MIA3: variants seen among roughly 807,000 people sequenced by gnomAD.
The protein encoded by MIA3 is MIA SH3 domain ER export factor 3.
MIA3 carries 90 observed loss-of-function variants against 192.4 expected under a neutral mutation model. The ratio of observed to expected loss-of-function variants is 0.47; its 90% CI spans 0.39 to 0.56. The LOEUF (loss-of-function observed/expected upper bound fraction) is 0.56. Among genes scored for constraint, MIA3 ranks in the 20% least tolerant of loss-of-function variants. The probability of loss-of-function intolerance (pLI) is 0.00; values close to 1 mark genes in which losing one functional copy is unlikely to be tolerated. For missense variants in MIA3, 2,123 were observed against 2,269.4 expected, an observed-to-expected ratio of 0.94 and a Z score of 1.31; for synonymous variants, 740 against 792.8, an observed-to-expected ratio of 0.93 and a Z score of 1.12.
rs1661834503 is a variant in MIA3, at chr1:222,621,140, T to TC, written c.134-18dup. On this transcript the variant is annotated intron_variant, in intron 1 of 27. Coordinates refer to ENST00000344922, the MANE Select transcript of MIA3 (RefSeq NM_198551.4). Reference sequence around the variant, plus strand: ...AATCCTGATATCTGGCTATTTTTTTTCTCTCTCTTTATATACAGTGTTAAT... The same window carrying TC: ...AATCCTGATATCTGGCTATTTTTTTTCCTCTCTCTTTATATACAGTGTTAAT... The TC allele has an allele frequency of 1.3e-6, 2 of 1,574,708 alleles. No individual in the cohort carries two copies. Among genetic ancestry groups the TC allele is most frequent in the South Asian group, 1.2e-5 (1 of 84,618 alleles).
chr1:222,660,094 A>AT, intron 23 of MIA3, 83 bp from the exon 24 acceptor site: 1 of 1,588,030 alleles, frequency 6.3e-7, no homozygotes, highest in Non-Finnish European at 8.6e-7. Context: ...TGTAATGGTT[A>AT]TGGTACCCTA....
At chr1:222,632,504 A>G (rs1571872148) in intron 5 of MIA3, among the ~76,000 whole-genome samples, 178 bp downstream of exon 5, 1 of 152,234 alleles carries the variant, frequency 6.6e-6, no homozygotes, top group African/African-American at 2.4e-5. Context: ...TAGGAAAGAC[A>G]CCAGAGACTA....
Position 222,654,909 on chromosome 1 carries a change from A to G in MIA3, c.4607+116A>G, listed in dbSNP as rs372308789. 30 of 931,432 alleles carry G rather than the reference A, an allele frequency of 3.2e-5. 1 individual carries two copies. The highest frequency in any genetic ancestry group is 2.9e-4 in the East Asian group (11 of 38,336). 57.7% of individuals were successfully genotyped at this position (931,432 alleles called of 1,614,324 possible). A position where few individuals can be genotyped will look rare whatever the true frequency, so the allele number is the denominator to read the frequency against. On this transcript the variant is annotated intron_variant, in intron 18 of 27. Coordinates refer to ENST00000344922, the MANE Select transcript of MIA3 (RefSeq NM_198551.4). ...GTACTCTTTTGCATCTGTAATTAGT[A>G]TAAATTTGTCTTTCTTTCTTTCTGC...
chr1:222,627,717 A>G lies in MIA3; in HGVS notation c.497A>G (p.Glu166Gly), dbSNP rs764023176. ...KAVEKTLQDM[E>G]KNPELSKERE... ...GTAGAAAAAACTTTACAGGATATGG[A>G]AAAAAACCCTGAATTATCTAAGGAA... Residue 166 changes from glutamate (E) to glycine (G), a missense_variant, in exon 4 of 28, where the codon GAA becomes GGA. Glu to Gly is a moderately conservative substitution (Grantham distance 98). Transcript: ENST00000344922. 2 of 1,613,644 alleles carry G rather than the reference A, an allele frequency of 1.2e-6. No homozygotes were observed. Among genetic ancestry groups the G allele is most frequent in the Admixed American group, 1.7e-5 (1 of 59,914 alleles).
chr1:222,647,237 G>A (rs1663191210), intron 7 of MIA3, among the ~76,000 whole-genome samples: 1 of 152,106 alleles, frequency 6.6e-6, no homozygotes, highest in African/African-American at 2.4e-5. Context: ...AAACATGTTT[G>A]TATAAGTGTG....
At chr1:222,650,171 G>A in intron 8 of MIA3, 121 bp from the exon 9 acceptor site, 1 of 707,526 alleles carries the variant, frequency 1.4e-6, no homozygotes. Flanking sequence ...AACCATAATA[G>A]TTATGCTGAG....
Position 222,627,763 on chromosome 1 carries a change from A to G in MIA3, c.543A>G (p.Pro181=). 6.2e-7 allele frequency: 1 copy of G among 1,613,090 alleles called. No individual in the cohort carries two copies. The highest frequency in any genetic ancestry group is 8.5e-7 in the Non-Finnish European group (1 of 1,179,768). Residue 181 remains proline, a synonymous_variant, in exon 4 of 28, where the codon CCA becomes CCG. Transcript: ENST00000344922. ...LSKEREPEPE[P]VEANSEESDS... ...AGGAAAGGGAACCTGAACCTGAACC[A>G]GTAGAAGCCAACTCAGAGGAAAGTG...
At position 222,653,263 on chromosome 1, in the gene MIA3, A is replaced by G; in HGVS notation, c.4245A>G (p.Leu1415=). The change falls in exon 15 of 28, where the codon TTA becomes TTG. Residue 1415 remains leucine, a synonymous_variant. Transcript: ENST00000344922. ...ACTGCATTACACAGTTGAATCTGTT[A>G]GAGTGTGAATCTGAATCTGAGGGTC... ...LTNCITQLNL[L]ECESESEGQN... The G allele has an allele frequency of 6.2e-7, 1 of 1,613,998 alleles. No homozygotes were observed. Among genetic ancestry groups the G allele is most frequent in the African/African-American group, 1.3e-5 (1 of 75,066 alleles).
Position 222,648,977 on chromosome 1 carries a change from C to T in MIA3, c.3631+127C>T, listed in dbSNP as rs761706371. Reference sequence around the variant, plus strand: ...TGACTTATAGCTTCTGAAAACTTTACTGTTCCTAGGTTGCCAGGTTGTATG... The same window carrying T: ...TGACTTATAGCTTCTGAAAACTTTATTGTTCCTAGGTTGCCAGGTTGTATG... On this transcript the variant is annotated intron_variant, in intron 8 of 27. Coordinates refer to ENST00000344922, the MANE Select transcript of MIA3 (RefSeq NM_198551.4). 84 of 636,506 alleles carry T rather than the reference C, an allele frequency of 1.3e-4. No homozygotes were observed. The African/African-American group carries it at 1.3e-3, about 10-fold the overall frequency. 39.4% of individuals were successfully genotyped at this position (636,506 alleles called of 1,614,324 possible). A position where few individuals can be genotyped will look rare whatever the true frequency, so the allele number is the denominator to read the frequency against.
intron 18 of MIA3, among the ~76,000 whole-genome samples, chr1:222,657,350 C>T (rs1663786133): frequency 6.6e-6 from 1 of 152,182 alleles, no homozygotes; most frequent in South Asian, 2.1e-4. Flanking sequence ...CCCTCCGCTT[C>T]TTGTTTCTCT....
intron 18 of MIA3, among the ~76,000 whole-genome samples, chr1:222,656,300 GAGT>G (rs1663727545): frequency 1.3e-5 from 2 of 151,976 alleles, no homozygotes; most frequent in South Asian, 2.1e-4. Context: ...CAGGTTCAGT[GAGT>G]TTACTTTTGT....
intron 3 of MIA3, among the ~76,000 whole-genome samples, chr1:222,626,708 A>C (rs867153029): frequency 6.6e-6 from 1 of 152,192 alleles, no homozygotes; most frequent in Non-Finnish European, 1.5e-5. Flanking sequence ...GGCAGTATGA[A>C]AATGGGGAGC....
rs1343873436 is a variant in MIA3, at chr1:222,659,491, C to CA, written c.4749dup (p.Glu1584ArgfsTer5). 2 of 1,613,746 alleles carry CA rather than the reference C, an allele frequency of 1.2e-6. No individual in the cohort carries two copies. The highest frequency in any genetic ancestry group is 1.3e-5 in the African/African-American group (1 of 74,910). ...GAAATGGAGGATGAATTACAGAAGACAGAGCGGTCATTTAAAAACCAGGTA... is the reference window on the plus strand; with the variant it reads ...GAAATGGAGGATGAATTACAGAAGACAAGAGCGGTCATTTAAAAACCAGGTA... On this transcript the variant is annotated frameshift_variant, in exon 20 of 28. Coordinates refer to ENST00000344922, the MANE Select transcript of MIA3 (RefSeq NM_198551.4). LOFTEE classifies it high-confidence loss of function.
chr1:222,628,501 A>T lies in MIA3; in HGVS notation c.1281A>T (p.Lys427Asn), dbSNP rs761103413. ...DALVPDSKQGKPQSATDYSDP... is the reference protein window; with the variant it reads ...DALVPDSKQGNPQSATDYSDP... Reference sequence around the variant, plus strand: ...TAGTCCCAGATAGCAAACAGGGGAAACCACAGTCAGCAACAGATTATAGTG... The same window carrying T: ...TAGTCCCAGATAGCAAACAGGGGAATCCACAGTCAGCAACAGATTATAGTG... Residue 427 changes from lysine to asparagine, a missense_variant, in exon 4 of 28, where the codon AAA becomes AAT. Lys to Asn is a moderately conservative substitution (Grantham distance 94, BLOSUM62 0). Transcript: ENST00000344922. The T allele has an allele frequency of 1.9e-5, 31 of 1,613,720 alleles. No homozygotes were observed. The highest frequency in any genetic ancestry group is 2.5e-5 in the Non-Finnish European group (30 of 1,179,918).
chr1:222,635,650 G>A (rs1044821573), intron 6 of MIA3, among the ~76,000 whole-genome samples: 2 of 152,184 alleles, frequency 1.3e-5, no homozygotes, highest in Non-Finnish European at 2.9e-5. Context: ...ATAGATAATT[G>A]TTTCATAGGG....
At chr1:222,636,129 A>C (rs1662613546) in intron 6 of MIA3, among the ~76,000 whole-genome samples, 1 of 152,232 alleles carries the variant, frequency 6.6e-6, no homozygotes, top group Admixed American at 6.5e-5. Flanking sequence ...ATCAGCAGTT[A>C]ATGAAACTTC....
chr1:222,629,929 G>A lies in MIA3; in HGVS notation c.2709G>A (p.Ser903=), dbSNP rs117445341. 6.1e-4 allele frequency: 991 copies of A among 1,614,116 alleles called. 6 individuals are homozygous for A. The East Asian group carries it at 0.012, about 19-fold the overall frequency. ...CTGCTGCAGAACCTGAAGATGACTCGTTCCACTGGACTCCACATACAAGTG... is the reference window on the plus strand; with the variant it reads ...CTGCTGCAGAACCTGAAGATGACTCATTCCACTGGACTCCACATACAAGTG... ...GSAAAEPEDD[S]FHWTPHTSVE... Residue 903 remains serine (S), a synonymous_variant, in exon 4 of 28, where the codon TCG becomes TCA. Transcript: ENST00000344922.
At chr1:222,649,285 A>G (rs1663298559) in intron 8 of MIA3, 1 of 153,396 alleles carries the variant, frequency 6.5e-6, no homozygotes, top group African/African-American at 2.4e-5. Context: ...CTGAGAAGAA[A>G]GATGCTTCAT....
intron 6 of MIA3, among the ~76,000 whole-genome samples, chr1:222,634,677 G>A (rs930059261): frequency 1.3e-5 from 2 of 152,104 alleles, no homozygotes; most frequent in Non-Finnish European, 2.9e-5. Context: ...GAAGTTGGAG[G>A]CCAGGTTGCC....
Sources: gnomAD v4.1 joint callset for allele counts (sites outside exome capture counted in the v4.1 genomes callset) on GRCh38, gnomAD v4.1.1 for gene constraint, MANE v1.5 for transcripts, NCBI Gene and HGNC (gene_info 2026-07-23, HGNC 2026-07-21) for gene names.